The following CTNNA2 variants were observed in gnomAD, a reference collection of about 807,000 sequenced individuals.
CTNNA2 encodes catenin alpha 2.
In CTNNA2, 42 loss-of-function variants were observed where a neutral mutation model predicts 101.0. That is an observed-to-expected ratio of 0.42 (90% confidence interval 0.32 to 0.54). The LOEUF (loss-of-function observed/expected upper bound fraction) is 0.54. Among genes scored for constraint, CTNNA2 ranks in the 20% least tolerant of loss-of-function variants. CTNNA2 has a pLI of 0.14. For missense variants in CTNNA2, 871 were observed against 1,223.1 expected (o/e 0.71, Z 4.29); for synonymous variants, 450 against 456.4 (o/e 0.99, Z 0.18).
At chr2:80,517,056 G>T (rs1689164458) in intron 9 of CTNNA2, among the ~76,000 whole-genome samples, 1 of 152,118 alleles carries the variant, frequency 6.6e-6, no homozygotes, top group African/African-American at 2.4e-5. Flanking sequence ...GAAGAAGGAA[G>T]GCAACTTGGT....
intron 9 of CTNNA2, among the ~76,000 whole-genome samples, chr2:80,442,007 A>G (rs1042305285): frequency 1.3e-5 from 2 of 152,238 alleles, no homozygotes; most frequent in Admixed American, 6.5e-5. Context: ...ATCTTTCTGC[A>G]CTTGCAGAGG....
chr2:79,847,820 GTC>G (rs1558576751), intron 3 of CTNNA2, among the ~76,000 whole-genome samples: 1 of 152,122 alleles, frequency 6.6e-6, no homozygotes, highest in African/African-American at 2.4e-5. Flanking sequence ...GAATGCTGCC[GTC>G]TCTTTGATTC....
intron 3 of CTNNA2, among the ~76,000 whole-genome samples, chr2:79,372,437 C>T (rs1160288405): frequency 1.3e-5 from 2 of 152,178 alleles, no homozygotes; most frequent in Admixed American, 1.3e-4. Flanking sequence ...CCAAGGTAAT[C>T]ATGTGCTCTG....
chr2:79,793,330 G>A (rs375662716), intron 3 of CTNNA2, among the ~76,000 whole-genome samples: 20 of 152,250 alleles, frequency 1.3e-4, no homozygotes, highest in African/African-American at 4.8e-4. Context: ...ATCCCCTTAC[G>A]CTGAGTCCCA....
At chr2:80,112,002 C>A (rs991541710) in intron 7 of CTNNA2, among the ~76,000 whole-genome samples, 3 of 152,088 alleles carry the variant, frequency 2.0e-5, no homozygotes, top group African/African-American at 7.2e-5. Context: ...GAAAGAGATG[C>A]AAATGGTACC....
At chr2:80,154,399 A>G (rs573073033) in intron 7 of CTNNA2, among the ~76,000 whole-genome samples, 1 of 152,278 alleles carries the variant, frequency 6.6e-6, no homozygotes, top group African/African-American at 2.4e-5. Flanking sequence ...TACCGGGGAG[A>G]TAGCTTATCA....
At chr2:80,097,154 C>T (rs2148831531) in intron 7 of CTNNA2, among the ~76,000 whole-genome samples, 1 of 152,266 alleles carries the variant, frequency 6.6e-6, no homozygotes, top group Middle Eastern at 3.4e-3. Context: ...CCGGTTGTTC[C>T]TTTCCATGTT....
intron 2 of CTNNA2, among the ~76,000 whole-genome samples, chr2:79,654,195 C>T (rs1681452579): frequency 6.6e-6 from 1 of 152,152 alleles, no homozygotes; most frequent in African/African-American, 2.4e-5. Context: ...TTCTCATTAC[C>T]AATTCCAAAG....
chr2:79,930,057 C>A (rs894835343), intron 7 of CTNNA2, among the ~76,000 whole-genome samples: 4 of 151,816 alleles, frequency 2.6e-5, no homozygotes, highest in Non-Finnish European at 4.4e-5. Context: ...GCCAACGTGG[C>A]AAAACCCCAT....
chr2:80,084,270 T>C (rs898950153), intron 7 of CTNNA2, among the ~76,000 whole-genome samples: 1 of 152,196 alleles, frequency 6.6e-6, no homozygotes, highest in African/African-American at 2.4e-5. Flanking sequence ...AATCATCTGG[T>C]AGAAATACCA....
At chr2:79,697,513 A>G (rs977283642) in intron 2 of CTNNA2, among the ~76,000 whole-genome samples, 4 of 152,076 alleles carry the variant, frequency 2.6e-5, no homozygotes, top group Non-Finnish European at 2.9e-5. Context: ...TGTGTTGCAA[A>G]GAATAGTCAG....
chr2:79,488,260 G>A (rs1671176126), intron 4 of CTNNA2, among the ~76,000 whole-genome samples: 1 of 146,734 alleles, frequency 6.8e-6, no homozygotes, highest in Non-Finnish European at 1.5e-5. Flanking sequence ...AGTGTTTGTG[G>A]TGAGCTGAGA....
chr2:79,835,415 T>C (rs1167075836), intron 3 of CTNNA2, among the ~76,000 whole-genome samples: 1 of 152,144 alleles, frequency 6.6e-6, no homozygotes, highest in Non-Finnish European at 1.5e-5. Flanking sequence ...CATCGTTGAG[T>C]CTTCTTTTAG....
At chr2:79,854,697 G>T (rs1007234552) in intron 3 of CTNNA2, among the ~76,000 whole-genome samples, 2 of 152,150 alleles carry the variant, frequency 1.3e-5, no homozygotes, top group African/African-American at 2.4e-5. Flanking sequence ...TCAGCAGGTT[G>T]TAGTGGCTAG....
intron 9 of CTNNA2, among the ~76,000 whole-genome samples, chr2:80,459,966 G>C (rs1485787068): frequency 1.3e-5 from 2 of 152,086 alleles, no homozygotes; most frequent in Admixed American, 6.6e-5. Flanking sequence ...CCTGTGGGGG[G>C]CACTGAGACT....
At chr2:79,607,004 G>A (rs1677936960) in intron 1 of CTNNA2, among the ~76,000 whole-genome samples, 1 of 152,102 alleles carries the variant, frequency 6.6e-6, no homozygotes, top group Non-Finnish European at 1.5e-5. Context: ...GAGAGTATCA[G>A]ATTGTATATA....
intron 4 of CTNNA2, among the ~76,000 whole-genome samples, chr2:79,412,002 T>C (rs2104492630): frequency 6.6e-6 from 1 of 152,014 alleles, no homozygotes; most frequent in South Asian, 2.1e-4. Flanking sequence ...AGGAAACCCA[T>C]CTCACATGCA....
chr2:79,191,790 C>T (rs1673874575), intron 1 of CTNNA2, among the ~76,000 whole-genome samples: 1 of 152,134 alleles, frequency 6.6e-6, no homozygotes, highest in African/African-American at 2.4e-5. Context: ...AAGTCACAAG[C>T]ATGTGTGGTA....
intron 7 of CTNNA2, among the ~76,000 whole-genome samples, chr2:80,220,117 G>C (rs1318219133): frequency 3.3e-5 from 5 of 152,176 alleles, no homozygotes; most frequent in African/African-American, 1.2e-4. Flanking sequence ...CAAGGATACT[G>C]CTGGGGATAC....
Sources: gnomAD v4.1 joint callset for allele counts (sites outside exome capture counted in the v4.1 genomes callset) on GRCh38, gnomAD v4.1.1 for gene constraint, MANE v1.5 for transcripts, NCBI Gene and HGNC (gene_info 2026-07-23, HGNC 2026-07-21) for gene names.